Variants in LUZP2 observed in about 807,000 individuals in gnomAD.
LUZP2 encodes the protein leucine zipper protein 2.
Under a neutral mutation model 51.6 loss-of-function variants are expected in LUZP2, and 52 were observed. The ratio of observed to expected loss-of-function variants is 1.01; its 90% CI spans 0.81 to 1.27. LUZP2 has a LOEUF of 1.27. Among genes scored for constraint, LUZP2 ranks in the 50% most tolerant of loss-of-function variants. LUZP2 has a pLI of 0.00. For synonymous variants in LUZP2, 154 were observed against 137.3 expected (o/e 1.12, Z -0.85); for missense variants, 436 against 395.4 (o/e 1.10, Z -0.87).
intron 10 of LUZP2, among the ~76,000 whole-genome samples, chr11:25,072,146 A>G (rs973978205): frequency 1.2e-4 from 19 of 152,252 alleles, no homozygotes; most frequent in African/African-American, 4.3e-4. Context: ...TTGAACATAG[A>G]TATGCCTGAT....
chr11:24,880,541 T>C (rs905252246), intron 5 of LUZP2, among the ~76,000 whole-genome samples: 2 of 152,164 alleles, frequency 1.3e-5, no homozygotes, highest in Non-Finnish European at 2.9e-5. Context: ...TTTCTAGAAC[T>C]TGCATTTCTG....
chr11:24,980,592 C>CA (rs1325762488), intron 8 of LUZP2, among the ~76,000 whole-genome samples: 2 of 151,230 alleles, frequency 1.3e-5, no homozygotes, highest in African/African-American at 4.9e-5. Context: ...TACCAGCCTT[C>CA]AAAAAAGTTT....
intron 1 of LUZP2, among the ~76,000 whole-genome samples, chr11:24,601,434 A>G (rs1017694894): frequency 1.3e-5 from 2 of 151,994 alleles, no homozygotes; most frequent in African/African-American, 4.8e-5. Context: ...TAATGCATAT[A>G]ACTATGTAAA....
chr11:24,572,469 A>G (rs944232177), intron 1 of LUZP2, among the ~76,000 whole-genome samples: 3 of 152,166 alleles, frequency 2.0e-5, no homozygotes, highest in African/African-American at 7.2e-5. Flanking sequence ...TATGGAGTTC[A>G]TTATTCTTTG....
At chr11:24,568,171 C>CAAGATGGCGAAACCCGCCTGGT (rs1564996456) in intron 1 of LUZP2, among the ~76,000 whole-genome samples, 1 of 151,836 alleles carries the variant, frequency 6.6e-6, no homozygotes, top group East Asian at 1.9e-4. Flanking sequence ...ACCAGCCTGG[C>CAAGATGGCGAAACCCGCCTGGT]CAAGATGGCG....
intron 5 of LUZP2, among the ~76,000 whole-genome samples, chr11:24,803,071 T>A (rs892531595): frequency 3.9e-5 from 6 of 151,970 alleles, no homozygotes; most frequent in African/African-American, 1.4e-4. Flanking sequence ...GACAATATCA[T>A]CAGAGTAAAA....
In LUZP2 at chr11:24,996,939, G is replaced by C. The variant is rs529409326; in HGVS notation, c.765+13646G>C. ...CAATTTCATCCATGTCCCTACAAAG[G>C]ACATGAACTCATCATTTTTTATGGC... On this transcript the variant is annotated intron_variant, in intron 9 of 11. Coordinates refer to ENST00000336930, the MANE Select transcript of LUZP2 (RefSeq NM_001009909.4). 2.6e-5 allele frequency among the ~76,000 whole-genome samples: 4 copies of C among 151,176 alleles called. No homozygotes were observed. In the South Asian group the frequency reaches 6.3e-4, roughly 24 times the overall value.
intron 5 of LUZP2, among the ~76,000 whole-genome samples, chr11:24,860,807 C>A (rs1357093174): frequency 2.6e-5 from 4 of 152,148 alleles, no homozygotes; most frequent in African/African-American, 7.2e-5. Flanking sequence ...CAAGGGTCAG[C>A]AGCCTCAAAG....
intron 9 of LUZP2, among the ~76,000 whole-genome samples, chr11:25,005,648 G>A (rs189767650): frequency 2.2e-4 from 34 of 152,160 alleles, no homozygotes; most frequent in Admixed American, 3.3e-4. Context: ...CCAAGAACCC[G>A]CAATGGTCCC....
At chr11:24,806,680 A>G (rs1473971141) in intron 5 of LUZP2, among the ~76,000 whole-genome samples, 1 of 152,174 alleles carries the variant, frequency 6.6e-6, no homozygotes, top group Admixed American at 6.5e-5. Flanking sequence ...CCAGTTATTT[A>G]CAATCCTGTT....
intron 7 of LUZP2, among the ~76,000 whole-genome samples, chr11:24,962,913 A>G (rs911492327): frequency 1.3e-5 from 2 of 151,906 alleles, no homozygotes; most frequent in Non-Finnish European, 2.9e-5. Flanking sequence ...TTGGTCTTTG[A>G]TGATGGTGAT....
At chr11:24,658,328 G>T (rs996676043) in intron 1 of LUZP2, among the ~76,000 whole-genome samples, 24 of 152,310 alleles carry the variant, frequency 1.6e-4, no homozygotes, top group African/African-American at 5.3e-4. Flanking sequence ...ATGGGGAAAG[G>T]ATTCCCTATT....
In LUZP2 at chr11:25,062,912, A is replaced by G. The variant is rs181186232; in HGVS notation, c.858+12782A>G. 1.4e-3 allele frequency among the ~76,000 whole-genome samples: 219 copies of G among 151,728 alleles called. 2 individuals are homozygous for G. Among genetic ancestry groups the G allele is most frequent in the African/African-American group, 5.1e-3 (212 of 41,494 alleles). ...ATCCGCATATTTTTGTTTGACCAAT[A>G]TCTTGTTTTATTTCTGTTATACAAA... On this transcript the variant is annotated intron_variant, in intron 10 of 11. Coordinates refer to ENST00000336930, the MANE Select transcript of LUZP2 (RefSeq NM_001009909.4).
chr11:24,758,211 G>T (rs1282822006), intron 4 of LUZP2, among the ~76,000 whole-genome samples: 1 of 151,994 alleles, frequency 6.6e-6, no homozygotes, highest in African/African-American at 2.4e-5. Flanking sequence ...AGGCAAACAT[G>T]TCTTATCTCT....
Position 24,677,391 on chromosome 11 carries a change from C to T in LUZP2, c.63-51778C>T, listed in dbSNP as rs1590335009. Among the ~76,000 whole-genome samples the T allele has an allele frequency of 5.3e-5, 8 of 152,328 alleles. No individual in the cohort carries two copies. In the South Asian group the frequency reaches 1.0e-3, roughly 20 times the overall value. On this transcript the variant is annotated intron_variant, in intron 1 of 11. Coordinates refer to ENST00000336930, the MANE Select transcript of LUZP2 (RefSeq NM_001009909.4). ...ACTCTGTTCTTGTCTGACCTTCCAA[C>T]TCATCTTGTGCTACTTCTGTCTTCG...
intron 9 of LUZP2, among the ~76,000 whole-genome samples, chr11:25,033,572 C>T (rs1165719075): frequency 2.0e-5 from 3 of 152,052 alleles, no homozygotes; most frequent in African/African-American, 7.2e-5. Context: ...ACAACCTTCT[C>T]ACATTCCTTC....
intron 7 of LUZP2, among the ~76,000 whole-genome samples, chr11:24,948,851 C>G (rs1244882210): frequency 5.3e-5 from 8 of 150,642 alleles, no homozygotes; most frequent in African/African-American, 1.9e-4. Flanking sequence ...ATCTATCTAT[C>G]TATCTATCTA....
intron 1 of LUZP2, among the ~76,000 whole-genome samples, chr11:24,497,782 C>T (rs1183554141): frequency 6.6e-6 from 1 of 152,164 alleles, no homozygotes; most frequent in Non-Finnish European, 1.5e-5. Context: ...GATGCTAAGA[C>T]TTGTACAAAA....
At chr11:24,511,636 G>A (rs1208616581) in intron 1 of LUZP2, among the ~76,000 whole-genome samples, 1 of 152,138 alleles carries the variant, frequency 6.6e-6, no homozygotes, top group Non-Finnish European at 1.5e-5. Flanking sequence ...GTTGAACTTA[G>A]GGCGTGCTAT....
Sources: allele counts gnomAD v4.1 joint callset (sites outside exome capture counted in the v4.1 genomes callset), GRCh38; gene constraint gnomAD v4.1.1; transcripts MANE v1.5; gene names NCBI Gene and HGNC (gene_info 2026-07-23, HGNC 2026-07-21).